NUP98: variants seen among roughly 807,000 people sequenced by gnomAD.
NUP98 encodes the protein nucleoporin 98 and 96 precursor.
In NUP98, 26 loss-of-function variants were observed where a neutral mutation model predicts 191.9. That is an observed-to-expected ratio of 0.14 (90% CI 0.10 to 0.19). The LOEUF (loss-of-function observed/expected upper bound fraction) is 0.19. Ranked by LOEUF, NUP98 falls within the 10% of genes least tolerant of loss-of-function variation. NUP98 has a pLI of 1.00. For missense variants in NUP98, 1,941 were observed against 2,178.8 expected, an observed-to-expected ratio of 0.89 and a Z score of 2.17; for synonymous variants, 808 against 778.4, an observed-to-expected ratio of 1.04 and a Z score of -0.63.
At chr11:3,741,511 T>C (rs1255825015) in intron 12 of NUP98, among the ~76,000 whole-genome samples, 1 of 151,898 alleles carries the variant, frequency 6.6e-6, no homozygotes, top group African/African-American at 2.4e-5. Flanking sequence ...ATCCCAGCTA[T>C]TTATGAGACT....
rs747598169 is a variant in NUP98, at chr11:3,763,003, C to T, written c.985G>A (p.Gly329Ser). The T allele has an allele frequency of 6.2e-7, 1 of 1,614,072 alleles. No homozygotes were observed. The highest frequency in any genetic ancestry group is 1.7e-5 in the Admixed American group (1 of 60,010). The change falls in exon 9 of 33, where the codon GGT (glycine) becomes AGT (serine). Residue 329 changes from glycine (G) to serine (S), a missense_variant. Transcript: ENST00000324932. ...FGVTQASQPGGLFGTATNTST... is the reference protein window; with the variant it reads ...FGVTQASQPGSLFGTATNTST... ...GTGTTTGTAGCTGTCCCAAAAAGAC[C>T]TCCAGGCTGTGAGGCTTGGGTTACT...
At chr11:3,691,956 G>A (rs975942063) in intron 27 of NUP98, among the ~76,000 whole-genome samples, 1 of 152,122 alleles carries the variant, frequency 6.6e-6, no homozygotes, top group South Asian at 2.1e-4. Context: ...TTGAAAGTGG[G>A]AGGAGGACTG....
intron 11 of NUP98, among the ~76,000 whole-genome samples, chr11:3,748,535 C>T (rs1362465336): frequency 4.6e-5 from 7 of 152,098 alleles, no homozygotes; most frequent in South Asian, 4.1e-4. Context: ...AAAAATAAAA[C>T]TTGTGGCCCA....
rs2081990268 is a variant in NUP98, at chr11:3,782,148, G to A, written c.-28-3C>T. The stretch of plus-strand genomic sequence containing the variant: ...AAATGAGTCTTTGTTTCAGAAAGCT[G>A]GGAAAAAGAAAACATTATCACTCTC... On this transcript the variant is annotated splice_region_variant and splice_polypyrimidine_tract_variant and intron_variant, in intron 1 of 32. Coordinates refer to ENST00000324932, the MANE Select transcript of NUP98 (RefSeq NM_016320.5). The A allele has an allele frequency of 3.3e-6, 5 of 1,502,948 alleles. No individual in the cohort carries two copies. The highest frequency in any genetic ancestry group is 2.3e-5 in the East Asian group (1 of 44,032). The allele number at this position is 1,502,948 out of a possible 1,614,324, so 93.1% of individuals were successfully genotyped here.
chr11:3,680,252 C>T (rs2077942502), intron 30 of NUP98, among the ~76,000 whole-genome samples: 1 of 152,200 alleles, frequency 6.6e-6, no homozygotes, highest in African/African-American at 2.4e-5. Flanking sequence ...ATATCCTTTG[C>T]TGGCATTTCA....
At chr11:3,687,728 T>C (rs2078171894) in intron 28 of NUP98, among the ~76,000 whole-genome samples, 1 of 152,216 alleles carries the variant, frequency 6.6e-6, no homozygotes, top group African/African-American at 2.4e-5. Flanking sequence ...TTTAAAATGG[T>C]TAATAAGGAA....
In NUP98 at chr11:3,702,311, ACACTCTCTCTCTCTCT is replaced by A. The variant is rs1330468445; in HGVS notation, c.3512+136_3512+151del. 8.7e-4 allele frequency: 367 copies of A among 423,916 alleles called. 2 individuals are homozygous for A. In the African/African-American group the frequency reaches 8.8e-3, roughly 10 times the overall value. 26.3% of individuals were successfully genotyped at this position (423,916 alleles called of 1,614,324 possible). ...CACACACACACACACACACACACAC[ACACTCTCTCTCTCTCT>A]CTCTCTCTCTCTCTCTCTCTCTCTC... is the stretch of plus-strand genomic sequence containing the variant. On this transcript the variant is annotated intron_variant, in intron 23 of 32. Transcript: ENST00000324932.
rs147376381 is a variant in NUP98, at chr11:3,714,048, A to G, written c.2400-53T>C. 2,017 of 1,554,638 alleles carry G rather than the reference A, an allele frequency of 1.3e-3. 22 individuals are homozygous for G. In the African/African-American group the frequency reaches 0.024, roughly 19 times the overall value. On this transcript the variant is annotated intron_variant, in intron 18 of 32. Coordinates refer to ENST00000324932, the MANE Select transcript of NUP98 (RefSeq NM_016320.5). The stretch of plus-strand genomic sequence containing the variant: ...CAATTAAAGTAAAAGCGCTTCATAT[A>G]TAAGACCAGAAAGCCACCTAACACA...
chr11:3,731,174 G>A (rs2079832860), intron 14 of NUP98, among the ~76,000 whole-genome samples: 1 of 152,102 alleles, frequency 6.6e-6, no homozygotes, highest in African/African-American at 2.4e-5. Context: ...TGAAGCAAGA[G>A]AATCGTTTGA....
At chr11:3,691,553 G>A (rs2078311279) in intron 27 of NUP98, 64 bp from the exon 28 acceptor site, 2 of 1,502,216 alleles carry the variant, frequency 1.3e-6, no homozygotes, top group African/African-American at 2.8e-5. Context: ...ATGCCATTAT[G>A]TTTCTTCTTT....
At chr11:3,690,591 G>A (rs2078282487) in intron 28 of NUP98, among the ~76,000 whole-genome samples, 1 of 152,202 alleles carries the variant, frequency 6.6e-6, no homozygotes, top group Non-Finnish European at 1.5e-5. Context: ...TGTACACACA[G>A]ATTCACATAT....
intron 10 of NUP98, among the ~76,000 whole-genome samples, chr11:3,757,087 CA>C (rs1199481122): frequency 7.3e-5 from 10 of 137,446 alleles, no homozygotes; most frequent in Non-Finnish European, 9.4e-5. Flanking sequence ...GACTCCATCT[CA>C]AAAAAAAAAT....
At chr11:3,797,042 C>A (rs371912609) in intron 1 of NUP98, among the ~76,000 whole-genome samples, 15 of 152,378 alleles carry the variant, frequency 9.8e-5, no homozygotes, top group Middle Eastern at 3.4e-3. Flanking sequence ...AAGTGCGGGG[C>A]AGACCGTATT....
At chr11:3,692,719 C>T (rs1589969369) in intron 27 of NUP98, among the ~76,000 whole-genome samples, 1 of 152,096 alleles carries the variant, frequency 6.6e-6, no homozygotes, top group Admixed American at 6.6e-5. Flanking sequence ...TATCACTAAC[C>T]CCCCATACTT....
chr11:3,767,043 C>A (rs898158164), intron 8 of NUP98, among the ~76,000 whole-genome samples: 1 of 152,178 alleles, frequency 6.6e-6, no homozygotes, highest in South Asian at 2.1e-4. Flanking sequence ...CGGCTCACCG[C>A]AACTTCTGCC....
At chr11:3,735,048 G>T (rs1388989245) in intron 13 of NUP98, 143 bp downstream of exon 13, 2 of 692,092 alleles carry the variant, frequency 2.9e-6, no homozygotes, top group Non-Finnish European at 4.2e-6. Context: ...ATTTACTCCC[G>T]GCTGAGTGAA....
intron 12 of NUP98, among the ~76,000 whole-genome samples, chr11:3,741,575 C>T (rs1367678485): frequency 3.9e-5 from 6 of 152,124 alleles, no homozygotes; most frequent in East Asian, 3.9e-4. Flanking sequence ...GAGCCGAGAT[C>T]GCGCCACTGC....
At chr11:3,703,182 T>C (rs2078762374) in intron 22 of NUP98, among the ~76,000 whole-genome samples, 1 of 152,242 alleles carries the variant, frequency 6.6e-6, no homozygotes, top group East Asian at 1.9e-4. Context: ...GTATAAGTCA[T>C]TTGTATATGT....
intron 26 of NUP98, 100 bp from the exon 27 acceptor site, chr11:3,693,475 T>G (rs2095927512): frequency 8.5e-7 from 1 of 1,169,682 alleles, no homozygotes; most frequent in Non-Finnish European, 1.2e-6. Flanking sequence ...AAGGAACATT[T>G]TAAATGATTC....
Sources: gnomAD v4.1 joint callset for allele counts (sites outside exome capture counted in the v4.1 genomes callset) on GRCh38, gnomAD v4.1.1 for gene constraint, MANE v1.5 for transcripts, NCBI Gene and HGNC (gene_info 2026-07-23, HGNC 2026-07-21) for gene names.